Variants in ARHGEF17 observed in about 807,000 individuals in gnomAD.
ARHGEF17 encodes the protein Rho guanine nucleotide exchange factor 17.
Under a neutral mutation model 174.0 loss-of-function variants are expected in ARHGEF17, and 80 were observed. The ratio of observed to expected loss-of-function variants is 0.46; its 90% confidence interval spans 0.38 to 0.55. The LOEUF (loss-of-function observed/expected upper bound fraction) is 0.55. Ranked by LOEUF, ARHGEF17 falls within the 20% of genes least tolerant of loss-of-function variation. The pLI is 0.00. For missense variants in ARHGEF17, 2,886 were observed against 2,839.7 expected, an observed-to-expected ratio of 1.02 and a Z score of -0.37; for synonymous variants, 1,311 against 1,189.1, an observed-to-expected ratio of 1.10 and a Z score of -2.11.
Position 73,356,380 on chromosome 11 carries a change from A to ACCCCACCCT in ARHGEF17, c.3840+37_3840+38insTCCCCACCC, listed in dbSNP as rs1865641444. Reference sequence around the variant, plus strand: ...CGTGCGCCCTGCCCCACCCCACCCTACCCCACCCCACCCACATCTGTGTCC... The same window carrying ACCCCACCCT: ...CGTGCGCCCTGCCCCACCCCACCCTACCCCACCCTCCCCACCCCACCCACATCTGTGTCC... On this transcript the variant is annotated intron_variant, in intron 6 of 20. Transcript: ENST00000263674. 13 of 1,169,600 alleles carry ACCCCACCCT rather than the reference A, an allele frequency of 1.1e-5. No individual in the cohort carries two copies. The Admixed American group carries it at 1.6e-4, about 15-fold the overall frequency. The allele number at this position is 1,169,600 out of a possible 1,614,324, so 72.5% of individuals were successfully genotyped here. A position where few individuals can be genotyped will look rare whatever the true frequency, so the allele number is the denominator to read the frequency against.
chr11:73,364,550 G>A lies in ARHGEF17; in HGVS notation c.5500G>A (p.Gly1834Ser). The change falls in exon 18 of 21, where the codon GGC (glycine) becomes AGC (serine). Residue 1834 changes from glycine (G) to serine (S), a missense_variant. Transcript: ENST00000263674. ...ATCTGTGGGTGGGCGGCTGTGGTGT[G>A]GCTGCCAGAACCGAGTCCTTGTCCT... ...MVSVGGRLWC[G>S]CQNRVLVLSP... is the part of the protein sequence containing the mutation. 1 of 1,613,842 alleles carries A rather than the reference G, an allele frequency of 6.2e-7. No individual in the cohort carries two copies. Among genetic ancestry groups the A allele is most frequent in the Non-Finnish European group, 8.5e-7 (1 of 1,179,972 alleles).
intron 1 of ARHGEF17, among the ~76,000 whole-genome samples, chr11:73,329,295 T>C (rs186061971): frequency 0.012 from 1,612 of 133,080 alleles, 24 homozygotes; most frequent in Non-Finnish European, 0.02. Context: ...TTTGCAGGTC[T>C]TGCCTTATCA....
rs1300607174 is a variant in ARHGEF17, at chr11:73,309,578, A to AATCTAAGCAGCATTT, written c.953_954insTTATCTAAGCAGCAT (p.Ser317_Met318insIleTyrLeuSerSer). The AATCTAAGCAGCATTT allele has an allele frequency of 1.2e-6, 2 of 1,612,220 alleles. No individual in the cohort carries two copies. Among genetic ancestry groups the AATCTAAGCAGCATTT allele is most frequent in the Non-Finnish European group, 1.7e-6 (2 of 1,179,412 alleles). The stretch of plus-strand genomic sequence containing the variant: ...CTGCAGGCCTGACAGTGATGGGTTA[A>AATCTAAGCAGCATTT]ATCTAAGCAGCATGAACTCAGCAGG... On this transcript the variant is annotated inframe_insertion, in exon 1 of 21. Transcript: ENST00000263674.
intron 1 of ARHGEF17, among the ~76,000 whole-genome samples, chr11:73,341,050 A>T (rs1035407049): frequency 6.6e-6 from 1 of 152,228 alleles, no homozygotes; most frequent in Non-Finnish European, 1.5e-5. Flanking sequence ...TTATTAAGCC[A>T]GCCTTCCTTA....
At position 73,364,156 on chromosome 11, in the gene ARHGEF17, T is replaced by C. The variant is rs1422438851; in HGVS notation, c.5334-16T>C. On this transcript the variant is annotated splice_polypyrimidine_tract_variant and intron_variant, in intron 16 of 20. Transcript: ENST00000263674. ...CTGCCTGAACTCCCTTACTGCTTCC[T>C]CTTTTCCCTACCCAGGTATCTGAAT... is the stretch of plus-strand genomic sequence containing the variant. The C allele has an allele frequency of 6.2e-7, 1 of 1,614,004 alleles. No individual in the cohort carries two copies. Among genetic ancestry groups the C allele is most frequent in the Non-Finnish European group, 8.5e-7 (1 of 1,179,948 alleles).
Position 73,308,844 on chromosome 11 carries a change from C to T in ARHGEF17, c.206C>T (p.Pro69Leu). ...CTGGCGTCTGGGCCCCTGGCCGCCCCCGCGCAGCCGCGCCCGCTCCGCAGC... is the reference window on the plus strand; with the variant it reads ...CTGGCGTCTGGGCCCCTGGCCGCCCTCGCGCAGCCGCGCCCGCTCCGCAGC... ...SKLASGPLAAPAQPRPLRSLS... is the reference protein window; with the variant it reads ...SKLASGPLAALAQPRPLRSLS... Residue 69 changes from proline to leucine, a missense_variant, in exon 1 of 21, where the codon CCC (proline) becomes CTC (leucine). By Grantham distance (98) the Pro-to-Leu change is moderately conservative. Coordinates refer to ENST00000263674, the MANE Select transcript of ARHGEF17 (RefSeq NM_014786.4). 1 of 1,339,396 alleles carries T rather than the reference C, an allele frequency of 7.5e-7. No homozygotes were observed. The highest frequency in any genetic ancestry group is 3.1e-5 in the East Asian group (1 of 32,166). 83.0% of individuals were successfully genotyped at this position (1,339,396 alleles called of 1,614,324 possible).
At chr11:73,333,870 A>G (rs1865247678) in intron 1 of ARHGEF17, among the ~76,000 whole-genome samples, 1 of 152,206 alleles carries the variant, frequency 6.6e-6, no homozygotes, top group South Asian at 2.1e-4. Flanking sequence ...CTCTGTGCCC[A>G]TATATCAAAT....
Position 73,355,847 on chromosome 11 carries a change from T to C in ARHGEF17, c.3571-14T>C. ...CATGTCATTCCTCACATGATGCCCA[T>C]CCATGGGTTTCAGCAAAGCATGCGT... On this transcript the variant is annotated splice_polypyrimidine_tract_variant and intron_variant, in intron 4 of 20. Coordinates refer to ENST00000263674, the MANE Select transcript of ARHGEF17 (RefSeq NM_014786.4). The C allele has an allele frequency of 6.2e-7, 1 of 1,614,120 alleles. No homozygotes were observed. The highest frequency in any genetic ancestry group is 8.5e-7 in the Non-Finnish European group (1 of 1,179,978).
chr11:73,354,079 A>ATGTT (rs1206028925), intron 3 of ARHGEF17, among the ~76,000 whole-genome samples: 66 of 152,350 alleles, frequency 4.3e-4, no homozygotes, highest in African/African-American at 1.5e-3. Flanking sequence ...TGTGGGATGT[A>ATGTT]TGTTTCAATA....
At chr11:73,341,060 A>G (rs1428250724) in intron 1 of ARHGEF17, among the ~76,000 whole-genome samples, 1 of 152,200 alleles carries the variant, frequency 6.6e-6, no homozygotes, top group East Asian at 1.9e-4. Context: ...AGCCTTCCTT[A>G]TAAGTGCCCT....
chr11:73,365,442 A>G lies in ARHGEF17; in HGVS notation c.5603A>G (p.Asp1868Gly). 6.2e-7 allele frequency: 1 copy of G among 1,613,822 alleles called. No homozygotes were observed. The highest frequency in any genetic ancestry group is 8.5e-7 in the Non-Finnish European group (1 of 1,179,976). Residue 1868 changes from aspartate to glycine, a missense_variant, in exon 19 of 21, where the codon GAC becomes GGC. Asp to Gly is a moderately conservative substitution (Grantham distance 94). This residue lies in a region of ARHGEF17 where 329 missense variants were observed against 435.2 expected (regional missense o/e 0.76). Transcript: ENST00000263674. The surrounding 1 kb of genome is among the most constrained non-coding windows in gnomAD (Gnocchi z 4.9). ...AGCCGCTGCGTGGCTTGCATGGTGG[A>G]CTCCAGCCTGGGTGTGTGGGTGACA... Reference protein sequence around the residue: ...DSSRCVACMVDSSLGVWVTLK... With the variant: ...DSSRCVACMVGSSLGVWVTLK...
At position 73,308,922 on chromosome 11, in the gene ARHGEF17, A is replaced by G; in HGVS notation, c.284A>G (p.Asp95Gly). The G allele has an allele frequency of 2.9e-6, 4 of 1,362,704 alleles. No individual in the cohort carries two copies. The highest frequency in any genetic ancestry group is 3.8e-6 in the Non-Finnish European group (4 of 1,063,920). 84.4% of individuals were successfully genotyped at this position (1,362,704 alleles called of 1,614,324 possible). A position where few individuals can be genotyped will look rare whatever the true frequency, so the allele number is the denominator to read the frequency against. Reference sequence around the variant, plus strand: ...CGGCGCTTCGACGCGCCGCGTCTGGACGACGGCTCCGCTGGGACCCGAGAC... The same window carrying G: ...CGGCGCTTCGACGCGCCGCGTCTGGGCGACGGCTCCGCTGGGACCCGAGAC... The part of the protein sequence containing the change: ...LSRRFDAPRL[D>G]DGSAGTRDGG... The change falls in exon 1 of 21, where the codon GAC becomes GGC. Residue 95 changes from aspartate to glycine, a missense_variant. By Grantham distance (94) the Asp-to-Gly change is moderately conservative. Transcript: ENST00000263674.
At chr11:73,331,154 A>G (rs369438727) in intron 1 of ARHGEF17, among the ~76,000 whole-genome samples, 1 of 152,300 alleles carries the variant, frequency 6.6e-6, no homozygotes, top group East Asian at 1.9e-4. Context: ...TAGTCCTGCC[A>G]CTACCCTGGA....
Position 73,329,358 on chromosome 11 carries a change from TATATATATATA to T in ARHGEF17, c.3193-17524_3193-17514del, listed in dbSNP as rs1197828133. 4.2e-3 allele frequency among the ~76,000 whole-genome samples: 95 copies of T among 22,682 alleles called. 10 individuals are homozygous for T. The highest frequency in any genetic ancestry group is 7.9e-3 in the South Asian group (5 of 632). The allele number at this position is 22,682 out of a possible 152,430, so 14.9% of individuals were successfully genotyped here. On this transcript the variant is annotated intron_variant, in intron 1 of 20. Transcript: ENST00000263674. ...ATATATATATATATATATATATATATATATATATATATATATTTTTTTTTTTTTTTTGTATT... is the reference window on the plus strand; with the variant it reads ...ATATATATATATATATATATATATATTATATTTTTTTTTTTTTTTTGTATT...
intron 1 of ARHGEF17, among the ~76,000 whole-genome samples, chr11:73,320,651 GAT>G (rs913701714): frequency 8.0e-5 from 10 of 125,642 alleles, no homozygotes; most frequent in African/African-American, 3.4e-4. Context: ...AAAAAAAAAA[GAT>G]GATGATGATT....
intron 2 of ARHGEF17, 21 bp downstream of exon 2, chr11:73,346,981 C>T (rs772040571): frequency 6.3e-7 from 1 of 1,587,294 alleles, no homozygotes; most frequent in Non-Finnish European, 8.6e-7. Flanking sequence ...GGGCCCACTC[C>T]CCTGAGAATG....
chr11:73,311,148 T>G lies in ARHGEF17; in HGVS notation c.2510T>G (p.Leu837Arg). Residue 837 changes from leucine (L) to arginine (R), a missense_variant, in exon 1 of 21, where the codon CTG (leucine) becomes CGG (arginine). This residue lies in a region of ARHGEF17 where 1,728 missense variants were observed against 1,461.2 expected (regional missense o/e 1.18). Transcript: ENST00000263674. ...SLSDPSRRGE[L>R]AGPGFEGPGG... is the part of the protein sequence containing the mutation. ...AGTGACCCCAGCCGCCGTGGGGAGC[T>G]GGCTGGGCCTGGATTCGAGGGCCCT... is the stretch of plus-strand genomic sequence containing the variant. 1 of 1,596,656 alleles carries G rather than the reference T, an allele frequency of 6.3e-7. No individual in the cohort carries two copies. Among genetic ancestry groups the G allele is most frequent in the East Asian group, 2.2e-5 (1 of 44,578 alleles).
chr11:73,362,618 A>G lies in ARHGEF17; in HGVS notation c.4880A>G (p.Asp1627Gly). The change falls in exon 14 of 21, where the codon GAC becomes GGC. Residue 1627 changes from aspartate to glycine, a missense_variant. By Grantham distance (94) the Asp-to-Gly change is moderately conservative. Transcript: ENST00000263674. ...ATGACGCCGGGCCTCGGCGAGGGTG[A>G]CCCCCGCCCAGAGCTGGTGCCCTTT... ...LEMTPGLGEG[D>G]PRPELVPFDS... The G allele has an allele frequency of 6.2e-7, 1 of 1,611,034 alleles. No homozygotes were observed. The highest frequency in any genetic ancestry group is 8.5e-7 in the Non-Finnish European group (1 of 1,179,950).
intron 1 of ARHGEF17, among the ~76,000 whole-genome samples, chr11:73,338,930 T>C (rs150616012): frequency 2.0e-3 from 302 of 152,226 alleles, no homozygotes; most frequent in Middle Eastern, 0.01. Flanking sequence ...CCAGGACGTG[T>C]AAAGTGATGG....
Sources: gnomAD v4.1 joint callset for allele counts (sites outside exome capture counted in the v4.1 genomes callset) on GRCh38, gnomAD v4.1.1 for gene constraint, gnomAD v4.1.1 regional missense constraint, Gnocchi (gnomAD v3.1) non-coding constraint, MANE v1.5 for transcripts, NCBI Gene and HGNC (gene_info 2026-07-23, HGNC 2026-07-21) for gene names.